LHCGR: variants seen among roughly 807,000 people sequenced by gnomAD.
LHCGR encodes the protein luteinizing hormone/choriogonadotropin receptor.
A neutral mutation model predicts 60.7 loss-of-function variants in LHCGR; 55 were observed. The ratio of observed to expected loss-of-function variants is 0.91; its 90% confidence interval spans 0.73 to 1.13. LHCGR has a LOEUF of 1.13. Among genes scored for constraint, LHCGR ranks in the 50% most tolerant of loss-of-function variants. The pLI, the probability that LHCGR is intolerant of heterozygous loss-of-function variation, is 0.00. For synonymous variants in LHCGR, 337 were observed against 316.5 expected (o/e 1.06, Z -0.69); for missense variants, 862 against 836.0 (o/e 1.03, Z -0.38).
chr2:48,717,048 C>T lies in LHCGR; in HGVS notation c.537-2994G>A, dbSNP rs150243044. Among the ~76,000 whole-genome samples the T allele has an allele frequency of 5.3e-3, 802 of 152,228 alleles. 6 individuals are homozygous for T. The highest frequency in any genetic ancestry group is 0.018 in the African/African-American group (739 of 41,532). Reference sequence around the variant, plus strand: ...AGGATGATACTGTTCTCATCATTCCCATGGGGCAAATCAGATGGTCATTGG... The same window carrying T: ...AGGATGATACTGTTCTCATCATTCCTATGGGGCAAATCAGATGGTCATTGG... On this transcript the variant is annotated intron_variant, in intron 6 of 10. Transcript: ENST00000294954.
At chr2:48,716,913 A>G (rs894956926) in intron 6 of LHCGR, among the ~76,000 whole-genome samples, 2 of 152,228 alleles carry the variant, frequency 1.3e-5, no homozygotes, top group Non-Finnish European at 2.9e-5. Flanking sequence ...ACTCAGACCT[A>G]TTAAATCAGA....
intron 4 of LHCGR, among the ~76,000 whole-genome samples, 199 bp from the exon 5 acceptor site, chr2:48,723,895 T>G (rs1355879143): frequency 2.6e-5 from 4 of 152,220 alleles, no homozygotes; most frequent in African/African-American, 7.2e-5. Context: ...CCTCATGCTG[T>G]GGGAGAAGAT....
intron 1 of LHCGR, among the ~76,000 whole-genome samples, chr2:48,740,481 G>A (rs552002049): frequency 3.9e-5 from 6 of 152,278 alleles, no homozygotes; most frequent in Admixed American, 2.6e-4. Context: ...CTCACAGCAC[G>A]CAGCTGGAGA....
chr2:48,704,880 T>C (rs1257291156), intron 8 of LHCGR, among the ~76,000 whole-genome samples: 1 of 152,224 alleles, frequency 6.6e-6, no homozygotes, highest in Non-Finnish European at 1.5e-5. Flanking sequence ...TTTTTGTCTC[T>C]CTATCTCCTT....
At chr2:48,726,486 G>A (rs955328557) in intron 3 of LHCGR, among the ~76,000 whole-genome samples, 1 of 152,128 alleles carries the variant, frequency 6.6e-6, no homozygotes, top group South Asian at 2.1e-4. Context: ...TGATGTTATT[G>A]CCCTCCCCGC....
rs576208912 is a variant in LHCGR at position 48,726,903 on chromosome 2, C to G, written c.309-1153G>C. 1.1e-4 allele frequency among the ~76,000 whole-genome samples: 17 copies of G among 152,272 alleles called. No homozygotes were observed. In the East Asian group the frequency reaches 3.3e-3, roughly 29 times the overall value. ...GAATGATTTGTCTTCGGTCACACAGCTGAGAAGTAGCAGAACTTGGATGTG... is the reference window on the plus strand; with the variant it reads ...GAATGATTTGTCTTCGGTCACACAGGTGAGAAGTAGCAGAACTTGGATGTG... On this transcript the variant is annotated intron_variant, in intron 3 of 10. Transcript: ENST00000294954.
intron 8 of LHCGR, among the ~76,000 whole-genome samples, chr2:48,703,148 G>A (rs958672076): frequency 6.6e-6 from 1 of 152,154 alleles, no homozygotes; most frequent in East Asian, 1.9e-4. Flanking sequence ...ATTTGTTTAA[G>A]TTCTTTGTAG....
At chr2:48,695,672 G>T (rs1430229160) in intron 9 of LHCGR, among the ~76,000 whole-genome samples, 1 of 152,090 alleles carries the variant, frequency 6.6e-6, no homozygotes, top group Non-Finnish European at 1.5e-5. Context: ...ATTGGATAAA[G>T]AAAATGTGGT....
At chr2:48,709,401 C>T (rs1213933784) in intron 7 of LHCGR, among the ~76,000 whole-genome samples, 4 of 152,176 alleles carry the variant, frequency 2.6e-5, no homozygotes, top group Non-Finnish European at 4.4e-5. Context: ...TCTTTGTTAG[C>T]CTCTCAGTCA....
chr2:48,720,442 G>C (rs1001631382), intron 6 of LHCGR: 1 of 152,102 alleles, frequency 6.6e-6, no homozygotes, highest in Non-Finnish European at 1.5e-5. Context: ...GGGAGTCATG[G>C]ATATTTGTGA....
intron 10 of LHCGR, among the ~76,000 whole-genome samples, chr2:48,691,922 T>C (rs1286079823): frequency 6.6e-6 from 1 of 151,886 alleles, no homozygotes; most frequent in African/African-American, 2.4e-5. Flanking sequence ...AAACCAAGAT[T>C]AAAGGAGGTA....
chr2:48,731,195 G>A lies in LHCGR; in HGVS notation c.233+32C>T, dbSNP rs1248274963. On this transcript the variant is annotated intron_variant, in intron 2 of 10. Transcript: ENST00000294954. ...AGAAAAAATTCATTATTCCAATTAC[G>A]AATGTCTTTTGATATGCAGTAACTT... 9.2e-6 allele frequency: 13 copies of A among 1,405,756 alleles called. No individual in the cohort carries two copies. The East Asian group carries it at 1.1e-4, about 12-fold the overall frequency. The allele number at this position is 1,405,756 out of a possible 1,614,324, so 87.1% of individuals were successfully genotyped here.
At chr2:48,741,350 G>T (rs1193816063) in intron 1 of LHCGR, among the ~76,000 whole-genome samples, 1 of 152,116 alleles carries the variant, frequency 6.6e-6, no homozygotes, top group African/African-American at 2.4e-5. Flanking sequence ...ATGCCACAAA[G>T]ATACTCCTCG....
At chr2:48,708,773 G>T (rs537679126) in intron 8 of LHCGR, 175 bp downstream of exon 8, 3 of 689,698 alleles carry the variant, frequency 4.3e-6, no homozygotes, top group East Asian at 2.5e-5. Flanking sequence ...AAGCCTCTCG[G>T]TTTGGGGTAC....
At chr2:48,714,953 G>C (rs888282263) in intron 6 of LHCGR, among the ~76,000 whole-genome samples, 1 of 152,166 alleles carries the variant, frequency 6.6e-6, no homozygotes, top group Admixed American at 6.5e-5. Flanking sequence ...ATGGGACTAG[G>C]ATATGCTTTG....
chr2:48,707,031 A>G (rs143652488), intron 8 of LHCGR, among the ~76,000 whole-genome samples: 48 of 152,274 alleles, frequency 3.2e-4, no homozygotes, highest in African/African-American at 1.1e-3. Context: ...TTGTGGTTTT[A>G]TCTACCTTTG....
In LHCGR at chr2:48,687,244, T is replaced by TGTGGCTA. The variant is rs1182002009; in HGVS notation, c.*446_*452dup. ...TTTATTTAATTTTAATTTAGCCACA[T>TGTGGCTA]GTGGCTAGTGGCTACCGGATTGGAC... On this transcript the variant is annotated 3_prime_UTR_variant, in exon 11 of 11. Transcript: ENST00000294954. 1.3e-5 allele frequency: 2 copies of TGTGGCTA among 158,780 alleles called. No individual in the cohort carries two copies. Among genetic ancestry groups the TGTGGCTA allele is most frequent in the African/African-American group, 4.8e-5 (2 of 41,482 alleles). 9.8% of individuals were successfully genotyped at this position (158,780 alleles called of 1,614,324 possible).
chr2:48,750,287 C>A (rs1669904301), intron 1 of LHCGR, among the ~76,000 whole-genome samples: 1 of 152,018 alleles, frequency 6.6e-6, no homozygotes, highest in South Asian at 2.1e-4. Flanking sequence ...ATTCAGGCTG[C>A]CTTGGTGGTT....
intron 8 of LHCGR, among the ~76,000 whole-genome samples, chr2:48,703,300 G>A (rs2104404340): frequency 6.6e-6 from 1 of 152,204 alleles, no homozygotes; most frequent in African/African-American, 2.4e-5. Context: ...TGTCAATTTT[G>A]GCTTTTGTTG....
Sources: allele counts gnomAD v4.1 joint callset (sites outside exome capture counted in the v4.1 genomes callset), GRCh38; gene constraint gnomAD v4.1.1; transcripts MANE v1.5; gene names NCBI Gene and HGNC (gene_info 2026-07-23, HGNC 2026-07-21).